The following NAAA variants were observed in gnomAD, a reference collection of about 807,000 sequenced individuals.
NAAA encodes the protein N-acylethanolamine acid amidase, also known as N-acylethanolamine-hydrolyzing acid amidase.
In NAAA, 39 loss-of-function variants were observed where a neutral mutation model predicts 44.8. That is an observed-to-expected ratio of 0.87 (90% CI 0.67 to 1.14). NAAA has a LOEUF of 1.14. Among genes scored for constraint, NAAA ranks in the 50% most tolerant of loss-of-function variants. The probability of loss-of-function intolerance (pLI) is 0.00; values close to 1 mark genes in which losing one functional copy is unlikely to be tolerated. For missense variants in NAAA, 460 were observed against 467.8 expected, an observed-to-expected ratio of 0.98 and a Z score of 0.15; for synonymous variants, 178 against 191.3, an observed-to-expected ratio of 0.93 and a Z score of 0.58.
intron 4 of NAAA, among the ~76,000 whole-genome samples, chr4:75,927,640 C>T (rs77495590): frequency 2.0e-5 from 2 of 101,344 alleles, no homozygotes; most frequent in Non-Finnish European, 4.0e-5. Context: ...AATGCCCCCC[C>T]CCCCCCCGCC....
rs77634107 is a variant in NAAA, at chr4:75,918,809, T to A, written c.970-20A>T. 84,253 of 1,603,358 alleles carry A rather than the reference T, an allele frequency of 0.053. 3,306 individuals carry two copies. Among genetic ancestry groups the A allele is most frequent in the African/African-American group, 0.2 (14,876 of 74,514 alleles). Reference sequence around the variant, plus strand: ...CAAAATCTGCATAGGAAAAAGTCATTTTATAGAGAAGATTACATGGTAGAA... The same window carrying A: ...CAAAATCTGCATAGGAAAAAGTCATATTATAGAGAAGATTACATGGTAGAA... On this transcript the variant is annotated intron_variant, in intron 8 of 10. Coordinates refer to ENST00000286733, the MANE Select transcript of NAAA (RefSeq NM_014435.4).
chr4:75,940,650 A>C (rs939312784), intron 1 of NAAA, 94 bp downstream of exon 1: 3 of 1,318,018 alleles, frequency 2.3e-6, no homozygotes, highest in Non-Finnish European at 3.0e-6. Context: ...CGGGGAGTAA[A>C]GCGTCCCCGT....
At chr4:75,936,533 A>G (rs1578086282) in intron 2 of NAAA, among the ~76,000 whole-genome samples, 1 of 152,158 alleles carries the variant, frequency 6.6e-6, no homozygotes, top group African/African-American at 2.4e-5. Context: ...CTGAAGTGAA[A>G]CTAACCCATC....
At chr4:75,917,977 G>C (rs1308253553) in intron 9 of NAAA, among the ~76,000 whole-genome samples, 1 of 152,056 alleles carries the variant, frequency 6.6e-6, no homozygotes, top group East Asian at 1.9e-4. Context: ...GAAAACCAAA[G>C]GTATTCAGAA....
intron 3 of NAAA, among the ~76,000 whole-genome samples, chr4:75,933,006 G>C (rs1341628048): frequency 6.6e-6 from 1 of 151,530 alleles, no homozygotes; most frequent in Non-Finnish European, 1.5e-5. Flanking sequence ...GTGGTGGCAC[G>C]CACCTGTGGT....
At chr4:75,921,876 T>C (rs1050943393) in intron 5 of NAAA, among the ~76,000 whole-genome samples, 1 of 152,148 alleles carries the variant, frequency 6.6e-6, no homozygotes. Flanking sequence ...CGAGGGCGCA[T>C]GATGACTTCC....
intron 2 of NAAA, among the ~76,000 whole-genome samples, chr4:75,937,184 G>T (rs1383155082): frequency 6.6e-6 from 1 of 152,178 alleles, no homozygotes; most frequent in African/African-American, 2.4e-5. Flanking sequence ...ACTTTGGGAG[G>T]CCAAGGTGGG....
intron 3 of NAAA, 51 bp downstream of exon 3, chr4:75,936,058 T>C (rs1560518779): frequency 6.2e-7 from 1 of 1,609,954 alleles, no homozygotes; most frequent in Non-Finnish European, 8.5e-7. Flanking sequence ...GACTGCTAAC[T>C]TGAGTTTGCA....
rs758458692 is a variant in NAAA at position 75,919,958 on chromosome 4, G to T, written c.920C>A (p.Ala307Asp). Residue 307 changes from alanine (A) to aspartate (D), a missense_variant, in exon 8 of 11, where the codon GCC (alanine) becomes GAC (aspartate). Coordinates refer to ENST00000286733, the MANE Select transcript of NAAA (RefSeq NM_014435.4). The stretch of plus-strand genomic sequence containing the variant: ...GTTTGCTTGTCCTGTAGCATTAAGG[G>T]CCTTGATGGCAGATGTTCTGTAAGG... Reference protein sequence around the residue: ...EDDRRTSAIKALNATGQANLS... With the variant: ...EDDRRTSAIKDLNATGQANLS... The T allele has an allele frequency of 2.5e-6, 4 of 1,613,982 alleles. No homozygotes were observed. Among genetic ancestry groups the T allele is most frequent in the Non-Finnish European group, 3.4e-6 (4 of 1,179,918 alleles).
intron 3 of NAAA, among the ~76,000 whole-genome samples, chr4:75,933,954 T>C (rs1412564690): frequency 1.3e-5 from 2 of 151,556 alleles, no homozygotes; most frequent in South Asian, 2.1e-4. Context: ...TGCTTGAACA[T>C]GGGAGGCAGA....
At position 75,921,112 on chromosome 4, in the gene NAAA, C is replaced by G; in HGVS notation, c.678G>C (p.Glu226Asp). Reference sequence around the variant, plus strand: ...CAACAGCTGCTTCGAAGTTTTCCGACTCACTCAGGGTCTGAACGAAAGGAT... The same window carrying G: ...CAACAGCTGCTTCGAAGTTTTCCGAGTCACTCAGGGTCTGAACGAAAGGAT... ...VSWLIRATLS[E>D]SENFEAAVGK... The change falls in exon 6 of 11, where the codon GAG becomes GAC. Residue 226 changes from glutamate to aspartate, a missense_variant. Transcript: ENST00000286733. 6.3e-7 allele frequency: 1 copy of G among 1,582,550 alleles called. No individual in the cohort carries two copies. Among genetic ancestry groups the G allele is most frequent in the South Asian group, 1.2e-5 (1 of 85,578 alleles).
At chr4:75,932,216 T>C (rs6817576) in intron 3 of NAAA, among the ~76,000 whole-genome samples, 152,272 of 152,318 alleles carry the variant, frequency 1, 76,113 homozygotes, top group Middle Eastern at 1. Flanking sequence ...GCAACAAGAG[T>C]GAAACTCTGT....
chr4:75,927,630 A>G (rs1726828544), intron 4 of NAAA, among the ~76,000 whole-genome samples: 2 of 60,262 alleles, frequency 3.3e-5, no homozygotes, highest in East Asian at 6.9e-4. Context: ...AAAAATTTTT[A>G]ATGCCCCCCC....
intron 2 of NAAA, among the ~76,000 whole-genome samples, chr4:75,939,464 G>T (rs577023972): frequency 1.8e-4 from 26 of 147,038 alleles, no homozygotes; most frequent in African/African-American, 6.5e-4. Flanking sequence ...CGCCAGGGCT[G>T]GTGTGCAGTG....
intron 4 of NAAA, chr4:75,930,503 A>T (rs1255355141): frequency 5.8e-6 from 3 of 518,316 alleles, no homozygotes; most frequent in Non-Finnish European, 1.2e-5. Flanking sequence ...ACATGTGAGG[A>T]TGTACATGGT....
chr4:75,927,397 A>G (rs538358686), intron 4 of NAAA, among the ~76,000 whole-genome samples: 1 of 152,146 alleles, frequency 6.6e-6, no homozygotes, highest in African/African-American at 2.4e-5. Context: ...GTGAGCCAAG[A>G]TCCCGCCACT....
intron 10 of NAAA, 30 bp downstream of exon 10, chr4:75,914,838 C>T (rs924193793): frequency 5.9e-6 from 9 of 1,533,872 alleles, no homozygotes; most frequent in Non-Finnish European, 8.1e-6. Context: ...ACCCACCTCA[C>T]CCCCTCTCCA....
At chr4:75,918,441 C>T (rs11490704) in intron 9 of NAAA, among the ~76,000 whole-genome samples, 3 of 151,484 alleles carry the variant, frequency 2.0e-5, no homozygotes, top group African/African-American at 4.9e-5. Context: ...GGTGACAGAG[C>T]GAGACTCTGG....
intron 5 of NAAA, 145 bp downstream of exon 5, chr4:75,925,590 A>G (rs551823060): frequency 2.7e-6 from 2 of 738,188 alleles, no homozygotes; most frequent in African/African-American, 1.8e-5. Flanking sequence ...ACATTTATCA[A>G]AAAGATTTAT....
Sources: allele counts gnomAD v4.1 joint callset (sites outside exome capture counted in the v4.1 genomes callset), GRCh38; gene constraint gnomAD v4.1.1; transcripts MANE v1.5; gene names NCBI Gene and HGNC (gene_info 2026-07-23, HGNC 2026-07-21).